DAB1: variants seen among roughly 807,000 people sequenced by gnomAD.
DAB1 encodes DAB adaptor protein 1, also known as disabled homolog 1.
Under a neutral mutation model 64.6 loss-of-function variants are expected in DAB1, and 15 were observed. The ratio of observed to expected loss-of-function variants is 0.23; its 90% CI spans 0.16 to 0.36. The LOEUF is 0.36. Ranked by LOEUF, DAB1 falls within the 10% of genes least tolerant of loss-of-function variation. The probability of loss-of-function intolerance (pLI) is 1.00; values close to 1 mark genes in which losing one functional copy is unlikely to be tolerated. For synonymous variants in DAB1, 235 were observed against 251.9 expected (o/e 0.93, Z 0.64); for missense variants, 596 against 706.7 (o/e 0.84, Z 1.78).
chr1:58,330,675 T>C (rs1314668271), intron 4 of DAB1, among the ~76,000 whole-genome samples: 1 of 152,178 alleles, frequency 6.6e-6, no homozygotes, highest in Non-Finnish European at 1.5e-5. Context: ...CCTAGGGCCT[T>C]TAAGAATTAT....
chr1:57,486,150 T>A (rs1359827137), intron 7 of DAB1, among the ~76,000 whole-genome samples: 1 of 152,256 alleles, frequency 6.6e-6, no homozygotes, highest in Non-Finnish European at 1.5e-5. Context: ...TCAGGATTGC[T>A]TTAAATTATG....
intron 4 of DAB1, among the ~76,000 whole-genome samples, chr1:58,334,799 A>T (rs1462819288): frequency 6.6e-6 from 1 of 151,904 alleles, no homozygotes; most frequent in Non-Finnish European, 1.5e-5. Context: ...ATGCCAGCAC[A>T]GAGTAGTGTA....
intron 1 of DAB1, among the ~76,000 whole-genome samples, chr1:57,391,131 A>C (rs568578601): frequency 6.2e-4 from 94 of 152,310 alleles, no homozygotes; most frequent in African/African-American, 2.2e-3. Flanking sequence ...CTAGCATAGC[A>C]CAGTGCCGCC....
chr1:57,650,056 C>A (rs776565286), intron 6 of DAB1, among the ~76,000 whole-genome samples: 2 of 152,226 alleles, frequency 1.3e-5, no homozygotes, highest in Non-Finnish European at 2.9e-5. Flanking sequence ...GATCAGTAAA[C>A]AGGCAGGCAC....
intron 5 of DAB1, among the ~76,000 whole-genome samples, chr1:58,076,355 G>C (rs1360737724): frequency 6.6e-6 from 1 of 152,152 alleles, no homozygotes; most frequent in Non-Finnish European, 1.5e-5. Flanking sequence ...TCTCACACAA[G>C]AGTTTTTGCA....
intron 11 of DAB1, among the ~76,000 whole-genome samples, chr1:57,018,388 T>C (rs1249817890): frequency 6.6e-6 from 1 of 152,236 alleles, no homozygotes; most frequent in East Asian, 1.9e-4. Flanking sequence ...TCTAGTGTGC[T>C]CACGCCTGAG....
At chr1:57,114,362 G>T (rs894280443) in intron 4 of DAB1, among the ~76,000 whole-genome samples, 2 of 152,090 alleles carry the variant, frequency 1.3e-5, no homozygotes, top group African/African-American at 4.8e-5. Context: ...TAATTTAATA[G>T]ATTCACTTAA....
intron 5 of DAB1, among the ~76,000 whole-genome samples, chr1:57,994,462 A>T (rs780888109): frequency 6.6e-6 from 1 of 152,160 alleles, no homozygotes; most frequent in Non-Finnish European, 1.5e-5. Flanking sequence ...TTGTGTTTGT[A>T]AGAGACTCAG....
intron 4 of DAB1, among the ~76,000 whole-genome samples, chr1:57,076,942 T>C (rs1216194723): frequency 6.6e-6 from 1 of 152,204 alleles, no homozygotes; most frequent in Non-Finnish European, 1.5e-5. Context: ...GCTACACAGA[T>C]GAATAAAACA....
At chr1:57,205,926 T>C (rs988798450) in intron 2 of DAB1, among the ~76,000 whole-genome samples, 4 of 152,252 alleles carry the variant, frequency 2.6e-5, no homozygotes, top group Admixed American at 1.3e-4. Context: ...TTTTATTGGC[T>C]CTTCTCTTTC....
chr1:57,717,483 G>A (rs1431656652), intron 6 of DAB1, among the ~76,000 whole-genome samples: 1 of 152,042 alleles, frequency 6.6e-6, no homozygotes, highest in Non-Finnish European at 1.5e-5. Flanking sequence ...ATGTAAATAA[G>A]TAGAGCCATT....
chr1:58,134,060 C>T (rs1653804017), intron 5 of DAB1, among the ~76,000 whole-genome samples: 1 of 152,098 alleles, frequency 6.6e-6, no homozygotes, highest in Non-Finnish European at 1.5e-5. Context: ...CTGTTTGAGC[C>T]TCATTTTCCT....
chr1:58,118,469 C>CTCATATATAT (rs1652485398), intron 5 of DAB1, among the ~76,000 whole-genome samples: 2 of 22,036 alleles, frequency 9.1e-5, no homozygotes, highest in African/African-American at 4.8e-4. Context: ...TATCCTAAGG[C>CTCATATATAT]ATATATATAT....
intron 1 of DAB1, among the ~76,000 whole-genome samples, chr1:57,364,203 C>T (rs1395074910): frequency 2.0e-5 from 3 of 152,116 alleles, no homozygotes; most frequent in Non-Finnish European, 2.9e-5. Context: ...CCAAGAGAAG[C>T]GAGCACTGTC....
Position 57,214,877 on chromosome 1 carries a change from C to T in DAB1, c.68-69448G>A, listed in dbSNP as rs139363299. Among the ~76,000 whole-genome samples, 325 of 131,114 alleles carry T rather than the reference C, an allele frequency of 2.5e-3. 2 individuals are homozygous for T. The East Asian group carries it at 0.042, about 17-fold the overall frequency. 86.0% of individuals were successfully genotyped at this position (131,114 alleles called of 152,430 possible). ...CGTGAGCTGAGATCACGCCACTGCA[C>T]TCCAGCCTGGGCGACAGAGCAAGAT... is the stretch of plus-strand genomic sequence containing the variant. On this transcript the variant is annotated intron_variant, in intron 2 of 14. Transcript: ENST00000371236.
At chr1:57,184,819 G>A (rs197109) in intron 2 of DAB1, among the ~76,000 whole-genome samples, 1 of 151,840 alleles carries the variant, frequency 6.6e-6, no homozygotes, top group Non-Finnish European at 1.5e-5. Context: ...TTTTCATGAT[G>A]CATTTCAAAC....
At chr1:58,159,716 T>G (rs1655420699) in intron 4 of DAB1, among the ~76,000 whole-genome samples, 1 of 152,182 alleles carries the variant, frequency 6.6e-6, no homozygotes, top group African/African-American at 2.4e-5. Flanking sequence ...AGACATTATA[T>G]GTAAAGGTTG....
At chr1:58,530,990 T>C (rs758799897) in intron 1 of DAB1, among the ~76,000 whole-genome samples, 1 of 152,190 alleles carries the variant, frequency 6.6e-6, no homozygotes, top group Non-Finnish European at 1.5e-5. Context: ...CAATTTCTTA[T>C]ATTAACAGGC....
At chr1:58,509,040 G>A (rs1454262162) in intron 2 of DAB1, among the ~76,000 whole-genome samples, 4 of 152,126 alleles carry the variant, frequency 2.6e-5, no homozygotes, top group Non-Finnish European at 4.4e-5. Flanking sequence ...AGGTTTGAGA[G>A]GTTCTGGGAA....
Sources: allele counts gnomAD v4.1 joint callset (sites outside exome capture counted in the v4.1 genomes callset), GRCh38; gene constraint gnomAD v4.1.1; transcripts MANE v1.5; gene names NCBI Gene and HGNC (gene_info 2026-07-23, HGNC 2026-07-21).